Variants in FARP1 observed in about 807,000 individuals in gnomAD.
FARP1 encodes the protein FERM, ARHGEF and pleckstrin domain-containing protein 1.
In FARP1, 52 loss-of-function variants were observed where a neutral mutation model predicts 128.8. The observed-to-expected ratio is 0.40, with a 90% confidence interval of 0.32 to 0.51. FARP1 has a LOEUF of 0.51. Ranked by LOEUF, FARP1 falls within the 20% of genes least tolerant of loss-of-function variation. FARP1 has a pLI of 0.45. For synonymous variants in FARP1, 580 were observed against 551.8 expected, an observed-to-expected ratio of 1.05 and a Z score of -0.72; for missense variants, 1,333 against 1,367.9, an observed-to-expected ratio of 0.97 and a Z score of 0.40.
Position 98,453,039 on chromosome 13 carries a change from G to C in FARP1, c.*4722G>C. 1 of 942,592 alleles carries C rather than the reference G, an allele frequency of 1.1e-6. No homozygotes were observed. The highest frequency in any genetic ancestry group is 1.6e-5 in the South Asian group (1 of 63,494). 58.4% of individuals were successfully genotyped at this position (942,592 alleles called of 1,614,324 possible). A position where few individuals can be genotyped will look rare whatever the true frequency, so the allele number is the denominator to read the frequency against. Reference sequence around the variant, plus strand: ...GAAGACTGTGTGTGTCCCTGGACGGGCGCCTGGCGCTGGGGTGGCTCCCAG... The same window carrying C: ...GAAGACTGTGTGTGTCCCTGGACGGCCGCCTGGCGCTGGGGTGGCTCCCAG... On this transcript the variant is annotated 3_prime_UTR_variant, in exon 27 of 27. Coordinates refer to ENST00000319562, the MANE Select transcript of FARP1 (RefSeq NM_005766.4).
In FARP1 at chr13:98,440,801, A is replaced by G; in HGVS notation, c.2761A>G (p.Ser921Gly). 6.2e-7 allele frequency: 1 copy of G among 1,612,180 alleles called. No homozygotes were observed. Among genetic ancestry groups the G allele is most frequent in the Non-Finnish European group, 8.5e-7 (1 of 1,179,644 alleles). Residue 921 changes from serine to glycine, a missense_variant, in exon 24 of 27, where the codon AGC becomes GGC. By Grantham distance (56) the Ser-to-Gly change is moderately conservative. This residue lies in a region of FARP1 where 1,009 missense variants were observed against 969.8 expected (regional missense o/e 1.04). Transcript: ENST00000319562. ...GCACGTGTGCTGGCACCGCAACACC[A>G]GCGTCTCCATGGTGGACTTCAGCAT... The part of the protein sequence containing the change: ...MVHVCWHRNT[S>G]VSMVDFSIAV...
chr13:98,366,852 A>G (rs1003960723), intron 4 of FARP1, among the ~76,000 whole-genome samples: 2 of 152,036 alleles, frequency 1.3e-5, no homozygotes, highest in Admixed American at 6.6e-5. Flanking sequence ...AATTTTGTAC[A>G]TATTGTCAAC....
chr13:98,176,028 A>G lies in FARP1; in HGVS notation c.-24+32536A>G, dbSNP rs1298752836. 1.2e-6 allele frequency: 1 copy of G among 812,910 alleles called. No homozygotes were observed. Among genetic ancestry groups the G allele is most frequent in the Non-Finnish European group, 2.0e-6 (1 of 493,292 alleles). The allele number at this position is 812,910 out of a possible 1,614,324, so 50.4% of individuals were successfully genotyped here. A position where few individuals can be genotyped will look rare whatever the true frequency, so the allele number is the denominator to read the frequency against. ...AATTCTGCAGTGAACATGGGAGTGC[A>G]CATACCTCTTTGAGATCCGGATTTC... is the stretch of plus-strand genomic sequence containing the variant. On this transcript the variant is annotated intron_variant, in intron 1 of 26. Coordinates refer to ENST00000319562, the MANE Select transcript of FARP1 (RefSeq NM_005766.4). The surrounding 1 kb of genome is among the most constrained non-coding windows in gnomAD (Gnocchi z 6.2).
chr13:98,151,658 A>ATTTTTTT (rs1197060435), intron 1 of FARP1, among the ~76,000 whole-genome samples: 5 of 24,170 alleles, frequency 2.1e-4, no homozygotes, highest in Admixed American at 8.3e-4. Flanking sequence ...TATATCTTCC[A>ATTTTTTT]TCTTTTTTTT....
At chr13:98,268,591 C>T (rs1884242032) in intron 2 of FARP1, among the ~76,000 whole-genome samples, 1 of 152,184 alleles carries the variant, frequency 6.6e-6, no homozygotes, top group African/African-American at 2.4e-5. Flanking sequence ...CGTCAGCCTC[C>T]TGAGTACCTG....
intron 1 of FARP1, among the ~76,000 whole-genome samples, chr13:98,166,057 T>G (rs1877247191): frequency 6.6e-6 from 1 of 152,174 alleles, no homozygotes; most frequent in African/African-American, 2.4e-5. Context: ...GCATGAATAG[T>G]AGCATACCCT....
At chr13:98,304,573 C>G (rs546800258) in intron 2 of FARP1, among the ~76,000 whole-genome samples, 1 of 152,080 alleles carries the variant, frequency 6.6e-6, no homozygotes, top group African/African-American at 2.4e-5. Context: ...GACACAGGAA[C>G]CAGGAAAGCT....
chr13:98,347,114 C>T (rs1293934829), intron 3 of FARP1, among the ~76,000 whole-genome samples: 2 of 152,174 alleles, frequency 1.3e-5, no homozygotes, highest in Non-Finnish European at 2.9e-5. Context: ...TCGTAAGCAC[C>T]AGCTGGATTT....
intron 11 of FARP1, among the ~76,000 whole-genome samples, chr13:98,393,051 CA>C (rs1890372741): frequency 6.6e-6 from 1 of 152,136 alleles, no homozygotes; most frequent in African/African-American, 2.4e-5. Context: ...CTGAGCATTT[CA>C]GTGCCTGTTT....
chr13:98,414,803 G>A (rs570140727), intron 16 of FARP1, among the ~76,000 whole-genome samples: 2 of 152,170 alleles, frequency 1.3e-5, no homozygotes, highest in Non-Finnish European at 2.9e-5. Context: ...CGGCTTTCAC[G>A]TGTCAAATGG....
chr13:98,154,613 T>G (rs1267235786), intron 1 of FARP1, among the ~76,000 whole-genome samples: 1 of 152,172 alleles, frequency 6.6e-6, no homozygotes, highest in African/African-American at 2.4e-5. Context: ...GGTGATTATC[T>G]CAAAGACCTG....
At chr13:98,213,496 C>T in intron 2 of FARP1, 83 bp downstream of exon 2, 7 of 1,420,904 alleles carry the variant, frequency 4.9e-6, no homozygotes, top group Non-Finnish European at 6.7e-6. Flanking sequence ...TTCCCATGGC[C>T]AGTGACATGA....
intron 2 of FARP1, chr13:98,338,635 A>G (rs1887839128): frequency 6.6e-6 from 1 of 152,228 alleles, no homozygotes; most frequent in South Asian, 2.1e-4. Context: ...TGGATTTACA[A>G]AACTCTGCTT....
chr13:98,209,290 G>C (rs1252222226), intron 1 of FARP1, among the ~76,000 whole-genome samples: 1 of 151,404 alleles, frequency 6.6e-6, no homozygotes, highest in East Asian at 2.0e-4. Flanking sequence ...TTACAGGCGT[G>C]AGCCACCGCG....
intron 2 of FARP1, among the ~76,000 whole-genome samples, chr13:98,316,738 G>T (rs1886739357): frequency 6.6e-6 from 1 of 152,232 alleles, no homozygotes; most frequent in Non-Finnish European, 1.5e-5. Flanking sequence ...GGGAGATTTT[G>T]CCGAAATGAG....
intron 3 of FARP1, among the ~76,000 whole-genome samples, chr13:98,351,895 C>T (rs1043744464): frequency 3.3e-5 from 5 of 152,060 alleles, no homozygotes; most frequent in African/African-American, 9.7e-5. Flanking sequence ...AGTCGCCTCC[C>T]GCCAGGACCC....
chr13:98,367,639 A>C (rs932131104), intron 4 of FARP1, among the ~76,000 whole-genome samples: 3 of 152,174 alleles, frequency 2.0e-5, no homozygotes, highest in African/African-American at 7.2e-5. Flanking sequence ...AGACAAAGCC[A>C]GGGCCACATC....
chr13:98,244,692 C>T (rs2139462589), intron 2 of FARP1: 1 of 1,613,794 alleles, frequency 6.2e-7, no homozygotes, highest in Middle Eastern at 1.7e-4. Flanking sequence ...CACTGAAGAG[C>T]TTCTTAATCT....
intron 2 of FARP1, among the ~76,000 whole-genome samples, chr13:98,292,097 C>T (rs1346483737): frequency 1.3e-5 from 2 of 152,206 alleles, no homozygotes; most frequent in Non-Finnish European, 2.9e-5. Context: ...ACATTTCCTG[C>T]TCTTAACAAA....
Sources: allele counts gnomAD v4.1 joint callset (sites outside exome capture counted in the v4.1 genomes callset), GRCh38; gene constraint gnomAD v4.1.1; regional missense constraint gnomAD v4.1.1; non-coding constraint Gnocchi (gnomAD v3.1); transcripts MANE v1.5; gene names NCBI Gene and HGNC (gene_info 2026-07-23, HGNC 2026-07-21).